The following PRELP variants were observed in gnomAD, a reference collection of about 807,000 sequenced individuals.
PRELP encodes proline and arginine rich end leucine rich repeat protein.
A neutral mutation model predicts 22.8 loss-of-function variants in PRELP; 16 were observed. That is an observed-to-expected ratio of 0.70 (90% CI 0.47 to 1.06). The LOEUF is 1.06. Among genes scored for constraint, PRELP ranks in the 50% least tolerant of loss-of-function variants. The pLI, the probability that PRELP is intolerant of heterozygous loss-of-function variation, is 0.00. For synonymous variants in PRELP, 233 were observed against 211.4 expected, an observed-to-expected ratio of 1.10 and a Z score of -0.89; for missense variants, 434 against 485.2, an observed-to-expected ratio of 0.89 and a Z score of 0.99.
chr1:203,484,443 A>G (rs1661061412), intron 2 of PRELP, among the ~76,000 whole-genome samples: 1 of 152,258 alleles, frequency 6.6e-6, no homozygotes, highest in South Asian at 2.1e-4. Context: ...CCAGAATACC[A>G]TACTTGGAGG....
At chr1:203,478,194 C>T (rs552916209) in intron 1 of PRELP, among the ~76,000 whole-genome samples, 3 of 152,210 alleles carry the variant, frequency 2.0e-5, no homozygotes, top group Admixed American at 6.5e-5. Flanking sequence ...AAAGCAATTG[C>T]TTTGCCTAAG....
rs146761584 is a variant in PRELP, at chr1:203,481,988, T to A, written c.-16-1181T>A. 5.2e-3 allele frequency among the ~76,000 whole-genome samples: 789 copies of A among 152,248 alleles called. 4 individuals carry two copies. Among genetic ancestry groups the A allele is most frequent in the African/African-American group, 0.018 (735 of 41,538 alleles). On this transcript the variant is annotated intron_variant, in intron 1 of 2. Transcript: ENST00000343110. The stretch of plus-strand genomic sequence containing the variant: ...GTTTTTTTAAAGAGAGCTGCTGAGG[T>A]TGGCACAGGGATGGGTTGAGGGTAC...
rs1661115734 is a variant in PRELP at position 203,487,545 on chromosome 1, C to T, written c.*664C>T. On this transcript the variant is annotated 3_prime_UTR_variant, in exon 3 of 3. Transcript: ENST00000343110. ...ATGCGCAGGGCGCCCCCTTCTGTTC[C>T]AGGGTGAACATAGCACACGCCCTCC... is the stretch of plus-strand genomic sequence containing the variant. 1 of 152,928 alleles carries T rather than the reference C, an allele frequency of 6.5e-6. No individual in the cohort carries two copies. The highest frequency in any genetic ancestry group is 6.5e-5 in the Admixed American group (1 of 15,292). 9.5% of individuals were successfully genotyped at this position (152,928 alleles called of 1,614,324 possible).
chr1:203,483,315 C>G lies in PRELP; in HGVS notation c.131C>G (p.Pro44Arg), dbSNP rs201763034. The G allele has an allele frequency of 6.2e-7, 1 of 1,614,066 alleles. No homozygotes were observed. The highest frequency in any genetic ancestry group is 2.2e-5 in the East Asian group (1 of 44,832). Residue 44 changes from proline (P) to arginine (R), a missense_variant, in exon 2 of 3, where the codon CCC (proline) becomes CGC (arginine). Transcript: ENST00000343110. The surrounding 1 kb of genome is among the most constrained non-coding windows in gnomAD (Gnocchi z 4.4). ...CCCAGGCCCAGGCCCAGGCCCACAC[C>G]CAGCTTTCCTCAGCCTGATGAACCA... ...RRPRPRPRPTPSFPQPDEPAE... is the reference protein window; with the variant it reads ...RRPRPRPRPTRSFPQPDEPAE...
rs1186296474 is a variant in PRELP, at chr1:203,487,681, T to C, written c.*800T>C. ...CCGGGATGGGCCCGCGTGACGTCGA[T>C]GGGTCCTGCGGCCCCCTTGCCCAAC... On this transcript the variant is annotated 3_prime_UTR_variant, in exon 3 of 3. Coordinates refer to ENST00000343110, the MANE Select transcript of PRELP (RefSeq NM_002725.4). The C allele has an allele frequency of 1.3e-5, 2 of 152,394 alleles. No homozygotes were observed. Among genetic ancestry groups the C allele is most frequent in the Non-Finnish European group, 2.9e-5 (2 of 68,080 alleles). The allele number at this position is 152,394 out of a possible 1,614,324, so 9.4% of individuals were successfully genotyped here. A position where few individuals can be genotyped will look rare whatever the true frequency, so the allele number is the denominator to read the frequency against.
At chr1:203,484,243 G>C in intron 2 of PRELP, 86 bp downstream of exon 2, 1 of 1,518,296 alleles carries the variant, frequency 6.6e-7, no homozygotes, top group Non-Finnish European at 8.8e-7. Flanking sequence ...ACTCAGGGTG[G>C]GGTGGTATAA....
Position 203,483,812 on chromosome 1 carries a change from G to C in PRELP, c.628G>C (p.Gly210Arg). The change falls in exon 2 of 3, where the codon GGC (glycine) becomes CGC (arginine). Residue 210 changes from glycine to arginine, a missense_variant. By Grantham distance (125) the Gly-to-Arg change is moderately radical. Transcript: ENST00000343110. This position sits in a 1 kb window ranked among gnomAD's most constrained non-coding sequence, Gnocchi z 4.4. ...TCTCCAGCACAACAGGCTGAGCGAC[G>C]GCGTCTTCAAGCCCGACACCTTCCA... ...LDLQHNRLSD[G>R]VFKPDTFHGL... 1 of 1,614,122 alleles carries C rather than the reference G, an allele frequency of 6.2e-7. No individual in the cohort carries two copies. The highest frequency in any genetic ancestry group is 8.5e-7 in the Non-Finnish European group (1 of 1,179,986).
chr1:203,476,618 G>C (rs1247414274), intron 1 of PRELP, among the ~76,000 whole-genome samples: 1 of 152,202 alleles, frequency 6.6e-6, no homozygotes, highest in East Asian at 1.9e-4. Context: ...GAGGAGATAA[G>C]CAAGAGCGGG....
In PRELP at chr1:203,490,430, T is replaced by C. The variant is rs1661172509; in HGVS notation, c.*3549T>C. ...TTGAAACCCAAAGCCTCGGGTTCTT[T>C]CAAGCTACATGTACTAAATTGTCGA... On this transcript the variant is annotated 3_prime_UTR_variant, in exon 3 of 3. Coordinates refer to ENST00000343110, the MANE Select transcript of PRELP (RefSeq NM_002725.4). 6.6e-6 allele frequency: 1 copy of C among 152,236 alleles called. No individual in the cohort carries two copies. Among genetic ancestry groups the C allele is most frequent in the Non-Finnish European group, 1.5e-5 (1 of 68,052 alleles). 9.4% of individuals were successfully genotyped at this position (152,236 alleles called of 1,614,324 possible). A position where few individuals can be genotyped will look rare whatever the true frequency, so the allele number is the denominator to read the frequency against.
chr1:203,477,722 G>C (rs1227029111), intron 1 of PRELP, among the ~76,000 whole-genome samples: 1 of 150,984 alleles, frequency 6.6e-6, no homozygotes, highest in Non-Finnish European at 1.5e-5. Context: ...AGGCTGGAAG[G>C]GGCAAAAAGC....
At chr1:203,478,554 AG>A (rs1272600938) in intron 1 of PRELP, among the ~76,000 whole-genome samples, 1 of 152,218 alleles carries the variant, frequency 6.6e-6, no homozygotes, top group Non-Finnish European at 1.5e-5. Flanking sequence ...TGCATTTTAA[AG>A]CTGCTAACTG....
At chr1:203,485,435 G>A (rs112691346) in intron 2 of PRELP, among the ~76,000 whole-genome samples, 5 of 152,252 alleles carry the variant, frequency 3.3e-5, no homozygotes, top group African/African-American at 7.2e-5. Context: ...CCTTTTACCC[G>A]ACAGAATGGG....
Position 203,483,676 on chromosome 1 carries a change from G to C in PRELP, c.492G>C (p.Glu164Asp). ...FLYMEKNQLE[E>D]VPSALPRNLE... ...ACATGGAGAAGAACCAGTTGGAAGA[G>C]GTCCCCTCGGCCCTGCCCCGGAACC... is the stretch of plus-strand genomic sequence containing the variant. Residue 164 changes from glutamate (E) to aspartate (D), a missense_variant, in exon 2 of 3, where the codon GAG becomes GAC. By Grantham distance (45) the Glu-to-Asp change is conservative. Transcript: ENST00000343110. This position sits in a 1 kb window ranked among gnomAD's most constrained non-coding sequence, Gnocchi z 4.4. 6.2e-7 allele frequency: 1 copy of C among 1,614,200 alleles called. No homozygotes were observed. The highest frequency in any genetic ancestry group is 1.3e-5 in the African/African-American group (1 of 75,060).
Position 203,483,156 on chromosome 1 carries a change from C to T in PRELP, c.-16-13C>T. The T allele has an allele frequency of 1.3e-6, 2 of 1,511,158 alleles. No individual in the cohort carries two copies. The highest frequency in any genetic ancestry group is 1.8e-6 in the Non-Finnish European group (2 of 1,127,322). The allele number at this position is 1,511,158 out of a possible 1,614,324, so 93.6% of individuals were successfully genotyped here. A position where few individuals can be genotyped will look rare whatever the true frequency, so the allele number is the denominator to read the frequency against. On this transcript the variant is annotated splice_polypyrimidine_tract_variant and intron_variant, in intron 1 of 2. Coordinates refer to ENST00000343110, the MANE Select transcript of PRELP (RefSeq NM_002725.4). The surrounding 1 kb of genome is among the most constrained non-coding windows in gnomAD (Gnocchi z 4.4). ...GCCCAAGGATAATGACCTTATGTGT[C>T]TTCTCCCTGCAGGTGCATCACCTGG... is the stretch of plus-strand genomic sequence containing the variant.
intron 1 of PRELP, among the ~76,000 whole-genome samples, chr1:203,476,471 A>C (rs1345618565): frequency 6.6e-6 from 1 of 152,218 alleles, no homozygotes; most frequent in Non-Finnish European, 1.5e-5. Flanking sequence ...ACATGCATGC[A>C]CACATGTTCC....
In PRELP at chr1:203,486,990, C is replaced by A. The variant is rs1355282836; in HGVS notation, c.*109C>A. 2.4e-6 allele frequency: 3 copies of A among 1,247,222 alleles called. No homozygotes were observed. In the East Asian group the frequency reaches 7.9e-5, roughly 33 times the overall value. 77.3% of individuals were successfully genotyped at this position (1,247,222 alleles called of 1,614,324 possible). A position where few individuals can be genotyped will look rare whatever the true frequency, so the allele number is the denominator to read the frequency against. ...CTCCCTTTCTTTCTCCCAGCTTTGC[C>A]TCCCTTATCCCACCCTCGAGGCAGG... is the stretch of plus-strand genomic sequence containing the variant. On this transcript the variant is annotated 3_prime_UTR_variant, in exon 3 of 3. Transcript: ENST00000343110.
chr1:203,478,366 C>T (rs932271349), intron 1 of PRELP, among the ~76,000 whole-genome samples: 3 of 152,152 alleles, frequency 2.0e-5, no homozygotes, highest in Non-Finnish European at 4.4e-5. Flanking sequence ...AGAGAAGAGT[C>T]GTCTCACCCT....
At chr1:203,476,080 T>A (rs1660907746) in intron 1 of PRELP, 142 bp downstream of exon 1, 1 of 152,666 alleles carries the variant, frequency 6.6e-6, no homozygotes, top group African/African-American at 2.4e-5. Context: ...TCAAATGAGT[T>A]CAAATTTAGT....
In PRELP at chr1:203,489,105, A is replaced by G. The variant is rs142143225; in HGVS notation, c.*2224A>G. The G allele has an allele frequency of 0.025, 3,790 of 152,684 alleles. 140 individuals carry two copies. The highest frequency in any genetic ancestry group is 0.11 in the Admixed American group (1,721 of 15,280). 9.5% of individuals were successfully genotyped at this position (152,684 alleles called of 1,614,324 possible). A position where few individuals can be genotyped will look rare whatever the true frequency, so the allele number is the denominator to read the frequency against. ...GCTGGTTTCTTCAAGGCTCCTGCTT[A>G]AAGTCCACACGTTATTATGGCCGAA... is the stretch of plus-strand genomic sequence containing the variant. On this transcript the variant is annotated 3_prime_UTR_variant, in exon 3 of 3. Transcript: ENST00000343110.
Sources: gnomAD v4.1 joint callset for allele counts (sites outside exome capture counted in the v4.1 genomes callset) on GRCh38, gnomAD v4.1.1 for gene constraint, Gnocchi (gnomAD v3.1) non-coding constraint, MANE v1.5 for transcripts, NCBI Gene and HGNC (gene_info 2026-07-23, HGNC 2026-07-21) for gene names.